The following RAD18 variants were observed in gnomAD, a reference collection of about 807,000 sequenced individuals.
RAD18 encodes RAD18 E3 ubiquitin protein ligase.
A neutral mutation model predicts 60.4 loss-of-function variants in RAD18; 47 were observed. The ratio of observed to expected loss-of-function variants is 0.78; its 90% CI spans 0.62 to 0.99. RAD18 has a LOEUF of 0.99. Ranked by LOEUF, RAD18 falls within the 50% of genes least tolerant of loss-of-function variation. RAD18 has a pLI of 0.00. For synonymous variants in RAD18, 225 were observed against 195.5 expected, an observed-to-expected ratio of 1.15 and a Z score of -1.26; for missense variants, 640 against 593.3, an observed-to-expected ratio of 1.08 and a Z score of -0.82.
intron 12 of RAD18, among the ~76,000 whole-genome samples, chr3:8,884,628 T>TA (rs34226180): frequency 0.65 from 98,358 of 151,844 alleles, 33,029 homozygotes; most frequent in Middle Eastern, 0.74. Context: ...TTTTCAGTAA[T>TA]TTTTCTTTCC....
At chr3:8,937,449 C>T (rs1940671869) in intron 6 of RAD18, among the ~76,000 whole-genome samples, 1 of 151,674 alleles carries the variant, frequency 6.6e-6, no homozygotes, top group Admixed American at 6.6e-5. Context: ...TTTAGTGGAA[C>T]TGAGTAATAC....
chr3:8,884,144 T>C (rs1409878544), intron 12 of RAD18, among the ~76,000 whole-genome samples: 1 of 152,182 alleles, frequency 6.6e-6, no homozygotes, highest in Non-Finnish European at 1.5e-5. Flanking sequence ...GTCCTCACCA[T>C]GACTGCAGAC....
chr3:8,954,866 C>T (rs1047406642), intron 2 of RAD18, among the ~76,000 whole-genome samples: 1 of 152,076 alleles, frequency 6.6e-6, no homozygotes, highest in Non-Finnish European at 1.5e-5. Context: ...AGACCCAGAG[C>T]AAATTTTAGA....
intron 2 of RAD18, among the ~76,000 whole-genome samples, chr3:8,955,510 GAA>G (rs1304140362): frequency 6.6e-6 from 1 of 152,206 alleles, no homozygotes; most frequent in African/African-American, 2.4e-5. Flanking sequence ...GGCTGGGAGA[GAA>G]TAGTGGAGTG....
At chr3:8,900,362 G>A (rs1939886771) in intron 10 of RAD18, among the ~76,000 whole-genome samples, 1 of 152,184 alleles carries the variant, frequency 6.6e-6, no homozygotes, top group South Asian at 2.1e-4. Context: ...CTCAACTAGT[G>A]AGGTGCATGC....
At chr3:8,919,445 T>C (rs1391725396) in intron 7 of RAD18, among the ~76,000 whole-genome samples, 1 of 152,156 alleles carries the variant, frequency 6.6e-6, no homozygotes, top group Admixed American at 6.5e-5. Flanking sequence ...ATTTTAAAGC[T>C]ACCATCATAA....
intron 10 of RAD18, among the ~76,000 whole-genome samples, chr3:8,901,165 A>G (rs1939905595): frequency 6.6e-6 from 1 of 152,224 alleles, no homozygotes; most frequent in Non-Finnish European, 1.5e-5. Context: ...AAATTTAAAA[A>G]TCAGAAAATA....
Position 8,946,725 on chromosome 3 carries a change from T to C in RAD18, c.266+495A>G, listed in dbSNP as rs45615031. 5.0e-3 allele frequency among the ~76,000 whole-genome samples: 764 copies of C among 152,314 alleles called. 5 individuals are homozygous for C. Among genetic ancestry groups the C allele is most frequent in the South Asian group, 0.021 (103 of 4,830 alleles). ...GATTAAGAATTAACAGATTAATATA[T>C]AGCAGACAGAATCAATTATAGATAT... On this transcript the variant is annotated intron_variant, in intron 4 of 12. Coordinates refer to ENST00000264926, the MANE Select transcript of RAD18 (RefSeq NM_020165.4).
At chr3:8,920,748 C>T (rs909636895) in intron 7 of RAD18, among the ~76,000 whole-genome samples, 1 of 152,148 alleles carries the variant, frequency 6.6e-6, no homozygotes, top group Admixed American at 6.5e-5. Context: ...ACACACACAA[C>T]AAAGACTGTA....
At chr3:8,915,890 C>A (rs1940191747) in intron 7 of RAD18, among the ~76,000 whole-genome samples, 1 of 152,142 alleles carries the variant, frequency 6.6e-6, no homozygotes, top group African/African-American at 2.4e-5. Context: ...GCCTTGCAGG[C>A]TATTTTCTAC....
intron 4 of RAD18, chr3:8,946,952 G>A (rs45489894): frequency 0.011 from 3,364 of 295,874 alleles, 95 homozygotes; most frequent in African/African-American, 0.066. Context: ...AGGAAAAGGA[G>A]TATCTTCAGA....
intron 9 of RAD18, among the ~76,000 whole-genome samples, chr3:8,906,674 C>G (rs1940005833): frequency 6.8e-6 from 1 of 148,064 alleles, no homozygotes; most frequent in Admixed American, 6.9e-5. Context: ...AAAAACCATT[C>G]AACATTCACC....
chr3:8,963,463 A>C lies in RAD18; in HGVS notation c.-78T>G. 7.4e-7 allele frequency: 1 copy of C among 1,356,358 alleles called. No individual in the cohort carries two copies. Among genetic ancestry groups the C allele is most frequent in the Non-Finnish European group, 1.0e-6 (1 of 984,040 alleles). 84.0% of individuals were successfully genotyped at this position (1,356,358 alleles called of 1,614,324 possible). On this transcript the variant is annotated 5_prime_UTR_variant, in exon 1 of 13. The change abolishes the stop of an existing upstream ORF in the 5' untranslated region. Transcript: ENST00000264926. The stretch of plus-strand genomic sequence containing the variant: ...AACACCACTCGAAATTCCCCGCGCT[A>C]CCGCATTACGTCAGCAGCCCGCGAC...
chr3:8,878,723 G>C lies in RAD18; in HGVS notation c.*2634C>G, dbSNP rs1271219371. On this transcript the variant is annotated 3_prime_UTR_variant, in exon 13 of 13. Transcript: ENST00000264926. ...AAAAAGAAAGACGAGAGTAGAGGAT[G>C]AAAGGACGGCCTGGCATACTAGGCC... 6.6e-6 allele frequency: 1 copy of C among 152,200 alleles called. No homozygotes were observed. Among genetic ancestry groups the C allele is most frequent in the Non-Finnish European group, 1.5e-5 (1 of 68,048 alleles). The allele number at this position is 152,200 out of a possible 1,614,324, so 9.4% of individuals were successfully genotyped here.
chr3:8,926,830 T>C (rs941575597), intron 7 of RAD18, among the ~76,000 whole-genome samples: 2 of 152,172 alleles, frequency 1.3e-5, no homozygotes, highest in African/African-American at 4.8e-5. Flanking sequence ...ATTTAATAAA[T>C]GGTGCTGGGA....
intron 11 of RAD18, among the ~76,000 whole-genome samples, chr3:8,894,756 G>A (rs1291529938): frequency 7.8e-6 from 1 of 127,644 alleles, no homozygotes; most frequent in African/African-American, 3.4e-5. Context: ...CCCAGTTTAA[G>A]CGCTTTTTTT....
intron 7 of RAD18, among the ~76,000 whole-genome samples, chr3:8,926,509 A>G (rs1940438232): frequency 6.6e-6 from 1 of 152,262 alleles, no homozygotes; most frequent in Admixed American, 6.5e-5. Context: ...ATTCTATGCC[A>G]TCCCCATTAA....
At chr3:8,923,257 C>G (rs769318574) in intron 7 of RAD18, among the ~76,000 whole-genome samples, 26 of 152,138 alleles carry the variant, frequency 1.7e-4, no homozygotes, top group Non-Finnish European at 3.7e-4. Context: ...ACAAAAACTA[C>G]GTGACGAATG....
chr3:8,888,004 G>T (rs899596448), intron 12 of RAD18, among the ~76,000 whole-genome samples: 1 of 152,136 alleles, frequency 6.6e-6, no homozygotes, highest in African/African-American at 2.4e-5. Context: ...CCAGGTTCTA[G>T]GTAACTAGGG....
Sources: allele counts gnomAD v4.1 joint callset (sites outside exome capture counted in the v4.1 genomes callset), GRCh38; gene constraint gnomAD v4.1.1; transcripts MANE v1.5; gene names NCBI Gene and HGNC (gene_info 2026-07-23, HGNC 2026-07-21).